The following IRF4 variants were observed in gnomAD, a reference collection of about 807,000 sequenced individuals.
The protein encoded by IRF4 is lymphocyte-specific interferon regulatory factor.
In IRF4, 13 loss-of-function variants were observed where a neutral mutation model predicts 55.5. That is an observed-to-expected ratio of 0.23 (90% CI 0.15 to 0.37). IRF4 has a LOEUF of 0.37. Among genes scored for constraint, IRF4 ranks in the 10% least tolerant of loss-of-function variants. The pLI, the probability that IRF4 is intolerant of heterozygous loss-of-function variation, is 1.00. For synonymous variants in IRF4, 249 were observed against 240.7 expected, an observed-to-expected ratio of 1.03 and a Z score of -0.32; for missense variants, 397 against 593.8, an observed-to-expected ratio of 0.67 and a Z score of 3.44.
Position 410,752 on chromosome 6 carries a change from A to G in IRF4, c.*3154A>G, listed in dbSNP as rs1400736636. On this transcript the variant is annotated 3_prime_UTR_variant, in exon 9 of 9. Transcript: ENST00000380956. Reference sequence around the variant, plus strand: ...CATTGCTCTCCAGTCACATGCCCCCACTTCCCCACAGGTGAAAGTTTTTCT... The same window carrying G: ...CATTGCTCTCCAGTCACATGCCCCCGCTTCCCCACAGGTGAAAGTTTTTCT... 2 of 231,696 alleles carry G rather than the reference A, an allele frequency of 8.6e-6. No homozygotes were observed. The highest frequency in any genetic ancestry group is 1.7e-5 in the Non-Finnish European group (2 of 117,078). 14.4% of individuals were successfully genotyped at this position (231,696 alleles called of 1,614,324 possible).
At chr6:402,124 G>A (rs978815514) in intron 7 of IRF4, among the ~76,000 whole-genome samples, 6 of 152,170 alleles carry the variant, frequency 3.9e-5, no homozygotes, top group Non-Finnish European at 8.8e-5. Context: ...AATCATAAAG[G>A]TTGGAAGCAT....
intron 6 of IRF4, among the ~76,000 whole-genome samples, chr6:400,490 C>T (rs1461268080): frequency 6.6e-6 from 1 of 152,148 alleles, no homozygotes; most frequent in East Asian, 1.9e-4. Flanking sequence ...CAAACTTAAA[C>T]ACAAAGCCCA....
chr6:399,102 G>A (rs1296618560), intron 6 of IRF4, among the ~76,000 whole-genome samples, 167 bp downstream of exon 6: 1 of 152,214 alleles, frequency 6.6e-6, no homozygotes, highest in African/African-American at 2.4e-5. Context: ...GGGTGATTTA[G>A]GAGCACCATT....
Position 393,478 on chromosome 6 carries a change from C to A in IRF4, c.216+110C>A. 1.3e-6 allele frequency: 1 copy of A among 774,552 alleles called. No individual in the cohort carries two copies. Among genetic ancestry groups the A allele is most frequent in the Non-Finnish European group, 1.8e-6 (1 of 561,602 alleles). The allele number at this position is 774,552 out of a possible 1,614,324, so 48.0% of individuals were successfully genotyped here. A position where few individuals can be genotyped will look rare whatever the true frequency, so the allele number is the denominator to read the frequency against. On this transcript the variant is annotated intron_variant, in intron 2 of 8. Transcript: ENST00000380956. The surrounding 1 kb of genome is among the most constrained non-coding windows in gnomAD (Gnocchi z 5.4). ...AGCCCAGGGGACCGCGCGGGGCGGA[C>A]GGGCGGGCGGCGGAGGCATCAGGTG...
chr6:401,289 G>A (rs555713696), intron 6 of IRF4, 135 bp from the exon 7 acceptor site: 18 of 656,248 alleles, frequency 2.7e-5, no homozygotes, highest in South Asian at 1.4e-4. Flanking sequence ...CCTCCTTGAC[G>A]CGGGAACCTT....
In IRF4 at chr6:393,752, C is replaced by G. The variant is rs750525661; in HGVS notation, c.216+384C>G. Among the ~76,000 whole-genome samples the G allele has an allele frequency of 6.6e-6, 1 of 152,214 alleles. No individual in the cohort carries two copies. The highest frequency in any genetic ancestry group is 1.5e-5 in the Non-Finnish European group (1 of 68,020). On this transcript the variant is annotated intron_variant, in intron 2 of 8. Coordinates refer to ENST00000380956, the MANE Select transcript of IRF4 (RefSeq NM_002460.4). The surrounding 1 kb of genome is among the most constrained non-coding windows in gnomAD (Gnocchi z 5.4). ...CCTCCGTCCGTGGGTCCCCCTCGCC[C>G]TCTCCGTGCGTCCGCGCCTGTGCCG... is the stretch of plus-strand genomic sequence containing the variant.
rs150882331 is a variant in IRF4, at chr6:408,497, G to A, written c.*899G>A. The A allele has an allele frequency of 8.7e-6, 2 of 229,982 alleles. No homozygotes were observed. Among genetic ancestry groups the A allele is most frequent in the East Asian group, 1.2e-4 (2 of 16,286 alleles). 14.2% of individuals were successfully genotyped at this position (229,982 alleles called of 1,614,324 possible). A position where few individuals can be genotyped will look rare whatever the true frequency, so the allele number is the denominator to read the frequency against. On this transcript the variant is annotated 3_prime_UTR_variant, in exon 9 of 9. Coordinates refer to ENST00000380956, the MANE Select transcript of IRF4 (RefSeq NM_002460.4). ...CGCTACTCTTGGATGGGACATTTTT[G>A]TCTGTCCTACAATCTAGTAATGTCT...
rs1198438072 is a variant in IRF4 at position 406,541 on chromosome 6, C to G, written c.1213-914C>G. On this transcript the variant is annotated intron_variant, in intron 8 of 8. Transcript: ENST00000380956. ...TGGGTGACAGAGTGAGACTCTGTCT[C>G]AAAAAAAAAACAAAAAAAGAAGTTG... Among the ~76,000 whole-genome samples, 3 of 119,884 alleles carry G rather than the reference C, an allele frequency of 2.5e-5. No individual in the cohort carries two copies. The Admixed American group carries it at 2.6e-4, about 10-fold the overall frequency. 78.6% of individuals were successfully genotyped at this position (119,884 alleles called of 152,430 possible). A position where few individuals can be genotyped will look rare whatever the true frequency, so the allele number is the denominator to read the frequency against.
intron 8 of IRF4, among the ~76,000 whole-genome samples, chr6:406,459 T>C (rs1761546003): frequency 6.6e-6 from 1 of 152,132 alleles, no homozygotes; most frequent in Non-Finnish European, 1.5e-5. Context: ...AGGGAGTCAC[T>C]TGAACCCAGG....
At chr6:392,827 T>C (rs1761142410) in intron 1 of IRF4, among the ~76,000 whole-genome samples, 1 of 151,854 alleles carries the variant, frequency 6.6e-6, no homozygotes, top group East Asian at 1.9e-4. Context: ...TCGGGAGCCT[T>C]TGGGCTGCGG....
intron 6 of IRF4, among the ~76,000 whole-genome samples, chr6:399,963 G>T (rs1316004731): frequency 6.6e-6 from 1 of 152,124 alleles, no homozygotes; most frequent in Admixed American, 6.5e-5. Context: ...ACTTGTGTGG[G>T]TGCCTGAAGA....
chr6:409,376 A>G lies in IRF4; in HGVS notation c.*1778A>G, dbSNP rs967367365. The G allele has an allele frequency of 5.0e-6, 1 of 200,104 alleles. No homozygotes were observed. Among genetic ancestry groups the G allele is most frequent in the Middle Eastern group, 1.7e-3 (1 of 576 alleles). The allele number at this position is 200,104 out of a possible 1,614,324, so 12.4% of individuals were successfully genotyped here. ...TTTCCCAGCCCAAATTCTCCTCTCT[A>G]AAAGTGTCCACAAGAAGGGGTGTTT... On this transcript the variant is annotated 3_prime_UTR_variant, in exon 9 of 9. Transcript: ENST00000380956.
chr6:393,013 C>A lies in IRF4; in HGVS notation c.-55-85C>A. On this transcript the variant is annotated intron_variant, in intron 1 of 8. Transcript: ENST00000380956. This position sits in a 1 kb window ranked among gnomAD's most constrained non-coding sequence, Gnocchi z 5.4. Reference sequence around the variant, plus strand: ...CTTCGCAGCCTCAAAGACTCCGGGGCCTCGTGGTCACTGGCGCAGGGGATC... The same window carrying A: ...CTTCGCAGCCTCAAAGACTCCGGGGACTCGTGGTCACTGGCGCAGGGGATC... 1.3e-6 allele frequency: 1 copy of A among 752,236 alleles called. No homozygotes were observed. Among genetic ancestry groups the A allele is most frequent in the Non-Finnish European group, 2.1e-6 (1 of 480,212 alleles). The allele number at this position is 752,236 out of a possible 1,614,324, so 46.6% of individuals were successfully genotyped here. A position where few individuals can be genotyped will look rare whatever the true frequency, so the allele number is the denominator to read the frequency against.
rs1270143197 is a variant in IRF4 at position 393,381 on chromosome 6, G to A, written c.216+13G>A. The A allele has an allele frequency of 1.9e-6, 3 of 1,553,754 alleles. No individual in the cohort carries two copies. Among genetic ancestry groups the A allele is most frequent in the Admixed American group, 3.7e-5 (2 of 53,464 alleles). Reference sequence around the variant, plus strand: ...CGCGCTCTTCAAGGTCTCCGGCCTCGGGAGCCGGCGGGGGCGCGCCGGGGA... The same window carrying A: ...CGCGCTCTTCAAGGTCTCCGGCCTCAGGAGCCGGCGGGGGCGCGCCGGGGA... On this transcript the variant is annotated intron_variant, in intron 2 of 8. Coordinates refer to ENST00000380956, the MANE Select transcript of IRF4 (RefSeq NM_002460.4). This position sits in a 1 kb window ranked among gnomAD's most constrained non-coding sequence, Gnocchi z 5.4.
chr6:399,588 A>T (rs752064453), intron 6 of IRF4, among the ~76,000 whole-genome samples: 2 of 151,784 alleles, frequency 1.3e-5, no homozygotes, highest in African/African-American at 4.8e-5. Flanking sequence ...CACGTGCTAT[A>T]TGTATATTTA....
At chr6:392,048 G>A (rs1395706381) in intron 1 of IRF4, 2 of 346,522 alleles carry the variant, frequency 5.8e-6, no homozygotes, top group East Asian at 1.6e-4. Flanking sequence ...CCTGCCCTCC[G>A]CGCTCCTGCG....
At position 391,778 on chromosome 6, in the gene IRF4, A is replaced by T. The variant is rs766021046; in HGVS notation, c.-87A>T. On this transcript the variant is annotated 5_prime_UTR_variant, in exon 1 of 9. Transcript: ENST00000380956. ...GTTTCACCGCTCGATCTTGGGACCCACCGCTGCCCTCAGCTCCGAGTCCAG... is the reference window on the plus strand; with the variant it reads ...GTTTCACCGCTCGATCTTGGGACCCTCCGCTGCCCTCAGCTCCGAGTCCAG... The T allele has an allele frequency of 1.9e-4, 84 of 443,848 alleles. 1 individual carries two copies. Among genetic ancestry groups the T allele is most frequent in the South Asian group, 9.1e-4 (58 of 63,690 alleles). 27.5% of individuals were successfully genotyped at this position (443,848 alleles called of 1,614,324 possible).
rs766946369 is a variant in IRF4, at chr6:391,817, C to T, written c.-56+8C>T. ...CTCCGAGTCCAGGGCGAGGTAAGGG[C>T]TGGAGTCGGGCAGGAGGAGGGGTGT... is the stretch of plus-strand genomic sequence containing the variant. On this transcript the variant is annotated splice_region_variant and intron_variant, in intron 1 of 8. Coordinates refer to ENST00000380956, the MANE Select transcript of IRF4 (RefSeq NM_002460.4). 14 of 455,974 alleles carry T rather than the reference C, an allele frequency of 3.1e-5. No individual in the cohort carries two copies. The highest frequency in any genetic ancestry group is 1.2e-4 in the South Asian group (8 of 64,550). The allele number at this position is 455,974 out of a possible 1,614,324, so 28.2% of individuals were successfully genotyped here. A position where few individuals can be genotyped will look rare whatever the true frequency, so the allele number is the denominator to read the frequency against.
rs941519103 is a variant in IRF4, at chr6:393,125, G to C, written c.-28G>C. ...CAGAGCAGAGCGGGCGGAGGACCCC[G>C]GGCGCGGGCGCGGACGGCACGCGGG... On this transcript the variant is annotated 5_prime_UTR_variant, in exon 2 of 9. Coordinates refer to ENST00000380956, the MANE Select transcript of IRF4 (RefSeq NM_002460.4). This position sits in a 1 kb window ranked among gnomAD's most constrained non-coding sequence, Gnocchi z 5.4. The C allele has an allele frequency of 2.6e-6, 4 of 1,542,620 alleles. No individual in the cohort carries two copies. The highest frequency in any genetic ancestry group is 1.2e-5 in the South Asian group (1 of 83,306).
Sources: gnomAD v4.1 joint callset for allele counts (sites outside exome capture counted in the v4.1 genomes callset) on GRCh38, gnomAD v4.1.1 for gene constraint, Gnocchi (gnomAD v3.1) non-coding constraint, MANE v1.5 for transcripts, NCBI Gene and HGNC (gene_info 2026-07-23, HGNC 2026-07-21) for gene names.